The following YPEL2 variants were observed in gnomAD, a reference collection of about 807,000 sequenced individuals.
YPEL2 encodes the protein yippee like 2, also known as protein yippee-like 2.
In YPEL2, 2 loss-of-function variants were observed where a neutral mutation model predicts 19.1. That is an observed-to-expected ratio of 0.10 (90% CI 0.04 to 0.33). The LOEUF is 0.33. YPEL2 is among the 10% of genes least tolerant of loss of function. The pLI is 1.00. For synonymous variants in YPEL2, 52 were observed against 50.0 expected (o/e 1.04, Z -0.17); for missense variants, 66 against 140.7 (o/e 0.47, Z 2.68).
At chr17:59,349,693 G>C (rs1025574239) in intron 1 of YPEL2, among the ~76,000 whole-genome samples, 1 of 151,742 alleles carries the variant, frequency 6.6e-6, no homozygotes, top group Non-Finnish European at 1.5e-5. Flanking sequence ...ACAGAATCTC[G>C]CACTGTCACC....
At chr17:59,388,798 G>A (rs905681487) in intron 3 of YPEL2, 1 of 197,178 alleles carries the variant, frequency 5.1e-6, no homozygotes, top group Admixed American at 5.4e-5. Flanking sequence ...GCCATCCCCA[G>A]GCACCAGGTT....
intron 4 of YPEL2, among the ~76,000 whole-genome samples, chr17:59,394,904 C>G (rs1257047013): frequency 6.6e-6 from 1 of 152,252 alleles, no homozygotes; most frequent in Non-Finnish European, 1.5e-5. Flanking sequence ...CCGGCCAACA[C>G]AGCGAAACCC....
At chr17:59,396,695 G>A (rs908322039) in intron 4 of YPEL2, among the ~76,000 whole-genome samples, 5 of 152,296 alleles carry the variant, frequency 3.3e-5, no homozygotes, top group Admixed American at 6.5e-5. Flanking sequence ...CCGTGGTGAC[G>A]CTGATACCTG....
chr17:59,368,007 C>T (rs2047878838), intron 2 of YPEL2, among the ~76,000 whole-genome samples: 2 of 152,186 alleles, frequency 1.3e-5, no homozygotes, highest in East Asian at 1.9e-4. Context: ...TAACCTCCCT[C>T]ATCACCCTGC....
chr17:59,389,495 G>C (rs2047997200), intron 4 of YPEL2, 27 bp downstream of exon 4: 2 of 1,583,120 alleles, frequency 1.3e-6, no homozygotes, highest in Admixed American at 3.3e-5. Flanking sequence ...TTGGTTGGTA[G>C]AGGGCTGGAA....
intron 3 of YPEL2, 111 bp from the exon 4 acceptor site, chr17:59,389,249 T>A: frequency 3.4e-6 from 3 of 887,156 alleles, no homozygotes; most frequent in Non-Finnish European, 5.3e-6. Flanking sequence ...AGCTCAGGGT[T>A]GGCTCCCCTT....
intron 2 of YPEL2, among the ~76,000 whole-genome samples, chr17:59,361,081 C>T (rs1176200696): frequency 2.0e-5 from 3 of 152,174 alleles, no homozygotes; most frequent in African/African-American, 7.2e-5. Flanking sequence ...ATCCACCTGC[C>T]TCTGCCTGCC....
chr17:59,338,468 A>C (rs2047710501), intron 1 of YPEL2, among the ~76,000 whole-genome samples: 1 of 152,222 alleles, frequency 6.6e-6, no homozygotes, highest in African/African-American at 2.4e-5. Flanking sequence ...CACGGAACAG[A>C]TCCTGCCCAT....
rs2048050355 is a variant in YPEL2 at position 59,398,130 on chromosome 17, G to A, written c.*940G>A. The A allele has an allele frequency of 6.6e-6, 1 of 152,192 alleles. No individual in the cohort carries two copies. The highest frequency in any genetic ancestry group is 2.4e-5 in the African/African-American group (1 of 41,432). 9.4% of individuals were successfully genotyped at this position (152,192 alleles called of 1,614,324 possible). ...TATTGAGTCAGAGAAATAAAAAGTAGGATCAGTTAGCAATTCTAACTGCCC... is the reference window on the plus strand; with the variant it reads ...TATTGAGTCAGAGAAATAAAAAGTAAGATCAGTTAGCAATTCTAACTGCCC... On this transcript the variant is annotated 3_prime_UTR_variant, in exon 5 of 5. Coordinates refer to ENST00000312655, the MANE Select transcript of YPEL2 (RefSeq NM_001005404.4).
intron 2 of YPEL2, among the ~76,000 whole-genome samples, chr17:59,373,643 A>G (rs1353080586): frequency 3.9e-5 from 6 of 152,162 alleles, no homozygotes; most frequent in Non-Finnish European, 5.9e-5. Context: ...TGGAGACACA[A>G]TATTTCTTCA....
chr17:59,354,248 C>T (rs904866111), intron 2 of YPEL2: 6 of 152,154 alleles, frequency 3.9e-5, no homozygotes, highest in Non-Finnish European at 5.9e-5. Flanking sequence ...CCTCCTGGCC[C>T]TAGATTCCCA....
At chr17:59,343,724 C>T (rs527851406) in intron 1 of YPEL2, among the ~76,000 whole-genome samples, 1 of 152,186 alleles carries the variant, frequency 6.6e-6, no homozygotes, top group African/African-American at 2.4e-5. Flanking sequence ...GACCCAGGCT[C>T]TTGGTGCCAC....
intron 1 of YPEL2, among the ~76,000 whole-genome samples, chr17:59,349,358 CTTTTT>C (rs58304283): frequency 1.7e-5 from 2 of 119,212 alleles, no homozygotes; most frequent in Non-Finnish European, 3.4e-5. Flanking sequence ...CCTTTTTTTT[CTTTTT>C]TTTTTTTTTT....
chr17:59,346,016 T>C (rs532478049), intron 1 of YPEL2, among the ~76,000 whole-genome samples: 3 of 152,286 alleles, frequency 2.0e-5, no homozygotes, highest in Middle Eastern at 3.4e-3. Flanking sequence ...ACCTCTCTCA[T>C]TGGGCGGGCA....
At chr17:59,366,404 G>T (rs2047869413) in intron 2 of YPEL2, among the ~76,000 whole-genome samples, 1 of 152,144 alleles carries the variant, frequency 6.6e-6, no homozygotes, top group South Asian at 2.1e-4. Flanking sequence ...GGCCCCTAAG[G>T]TTATCCGGGG....
intron 2 of YPEL2, among the ~76,000 whole-genome samples, chr17:59,367,377 G>GT (rs1473202142): frequency 6.6e-6 from 1 of 152,138 alleles, no homozygotes; most frequent in African/African-American, 2.4e-5. Context: ...TTGATTCCCT[G>GT]TTTTTTGGGC....
At chr17:59,363,858 G>A (rs932544765) in intron 2 of YPEL2, among the ~76,000 whole-genome samples, 12 of 152,094 alleles carry the variant, frequency 7.9e-5, no homozygotes, top group Admixed American at 6.5e-5. Context: ...TAATCCTTGT[G>A]GCAAATCCCA....
At chr17:59,348,326 G>A (rs1403164820) in intron 1 of YPEL2, among the ~76,000 whole-genome samples, 2 of 152,256 alleles carry the variant, frequency 1.3e-5, no homozygotes, top group Non-Finnish European at 2.9e-5. Flanking sequence ...GGCTCGGCAT[G>A]TGGTGGTCCA....
At chr17:59,357,201 C>G (rs533376941) in intron 2 of YPEL2, among the ~76,000 whole-genome samples, 6 of 152,022 alleles carry the variant, frequency 3.9e-5, no homozygotes, top group Non-Finnish European at 7.4e-5. Context: ...GCCTTACTGT[C>G]CAAAAGAAAA....
Sources: allele counts gnomAD v4.1 joint callset (sites outside exome capture counted in the v4.1 genomes callset), GRCh38; gene constraint gnomAD v4.1.1; transcripts MANE v1.5; gene names NCBI Gene and HGNC (gene_info 2026-07-23, HGNC 2026-07-21).